IL1RAPL2: variants seen among roughly 807,000 people sequenced by gnomAD.
IL1RAPL2 encodes interleukin 1 receptor accessory protein like 2, also known as X-linked interleukin-1 receptor accessory protein-like 2.
A neutral mutation model predicts 44.1 loss-of-function variants in IL1RAPL2; 3 were observed. The ratio of observed to expected loss-of-function variants is 0.07; its 90% CI spans 0.03 to 0.18. IL1RAPL2 has a LOEUF of 0.18. IL1RAPL2 is among the 10% of genes least tolerant of loss of function. The pLI, the probability that IL1RAPL2 is intolerant of heterozygous loss-of-function variation, is 1.00. For missense variants in IL1RAPL2, 391 were observed against 496.4 expected, an observed-to-expected ratio of 0.79 and a Z score of 2.02; for synonymous variants, 181 against 178.8, an observed-to-expected ratio of 1.01 and a Z score of -0.10.
intron 2 of IL1RAPL2, among the ~76,000 whole-genome samples, chrX:105,092,987 A>G (rs1367423171): frequency 1.8e-5 from 2 of 111,576 alleles, no homozygotes; most frequent in East Asian, 5.6e-4. Flanking sequence ...CTACTTTCTC[A>G]TCTACCTTTT....
At chrX:105,356,556 GC>G (rs1455148549) in intron 5 of IL1RAPL2, among the ~76,000 whole-genome samples, 1 of 111,583 alleles carries the variant, frequency 9.0e-6, no homozygotes. Flanking sequence ...TAAAAGGTGA[GC>G]AAAACATCAG....
intron 2 of IL1RAPL2, among the ~76,000 whole-genome samples, chrX:104,703,037 A>T (rs958069369): frequency 1.8e-5 from 2 of 111,219 alleles, no homozygotes; most frequent in South Asian, 7.6e-4. Flanking sequence ...GAAGCTTTGG[A>T]GGGAAATGTC....
In IL1RAPL2 at chrX:105,564,051, G is replaced by A. The variant is rs777567713; in HGVS notation, c.772+79664G>A. ...GATCAAGGCACCAACAGATTGTTTG[G>A]GTAGGGGTTGTTCTCTGCTTCATAG... On this transcript the variant is annotated intron_variant, in intron 6 of 10. Transcript: ENST00000372582. Among the ~76,000 whole-genome samples the A allele has an allele frequency of 3.6e-5, 4 of 111,357 alleles. No homozygotes were observed. The South Asian group carries it at 1.5e-3, about 42-fold the overall frequency.
At chrX:104,692,745 C>T (rs779265991) in intron 2 of IL1RAPL2, among the ~76,000 whole-genome samples, 3 of 111,761 alleles carry the variant, frequency 2.7e-5, no homozygotes, top group Admixed American at 1.9e-4. Flanking sequence ...AATCTATCAT[C>T]GTTGGACACT....
intron 7 of IL1RAPL2, among the ~76,000 whole-genome samples, chrX:105,727,659 G>A (rs2038363170): frequency 1.8e-5 from 2 of 111,433 alleles, no homozygotes; most frequent in Admixed American, 1.9e-4. Flanking sequence ...TGCTAATAAA[G>A]TATTTACTTG....
chrX:104,990,356 C>T (rs769724905), intron 2 of IL1RAPL2, among the ~76,000 whole-genome samples: 3 of 111,715 alleles, frequency 2.7e-5, no homozygotes, highest in Admixed American at 1.9e-4. Context: ...AATAAAACTC[C>T]GTAACATTTT....
At chrX:104,910,106 G>T (rs1261047789) in intron 2 of IL1RAPL2, among the ~76,000 whole-genome samples, 2 of 112,130 alleles carry the variant, frequency 1.8e-5, no homozygotes, top group Non-Finnish European at 3.8e-5. Context: ...GTTGGGAGTG[G>T]CCTGATTTTC....
intron 7 of IL1RAPL2, among the ~76,000 whole-genome samples, chrX:105,738,031 G>A (rs1382876707): frequency 4.5e-5 from 5 of 111,681 alleles, no homozygotes; most frequent in Admixed American, 1.9e-4. Flanking sequence ...TGAGATTTTA[G>A]TATGAGAGAC....
At chrX:105,211,492 T>G (rs190411063) in intron 3 of IL1RAPL2, among the ~76,000 whole-genome samples, 1 of 111,245 alleles carries the variant, frequency 9.0e-6, no homozygotes, top group Non-Finnish European at 1.9e-5. Flanking sequence ...TGTCATGATA[T>G]AACTCACTCA....
At chrX:104,724,017 A>G (rs1161844449) in intron 2 of IL1RAPL2, among the ~76,000 whole-genome samples, 1 of 111,997 alleles carries the variant, frequency 8.9e-6, no homozygotes, top group Non-Finnish European at 1.9e-5. Context: ...TAGACATAGC[A>G]GAATAGAGAT....
At chrX:105,755,622 TA>T (rs1270895526) in intron 10 of IL1RAPL2, among the ~76,000 whole-genome samples, 2 of 111,905 alleles carry the variant, frequency 1.8e-5, no homozygotes, top group Admixed American at 9.5e-5. Context: ...TATGATCTTT[TA>T]AAAAAATCTG....
chrX:104,983,444 CATA>C (rs1470546474), intron 2 of IL1RAPL2, among the ~76,000 whole-genome samples: 3 of 76,044 alleles, frequency 3.9e-5, no homozygotes, highest in African/African-American at 1.8e-4. Context: ...ATAATAGATA[CATA>C]ATATTATATA....
At chrX:104,575,703 C>T (rs1928231945) in intron 1 of IL1RAPL2, among the ~76,000 whole-genome samples, 1 of 111,691 alleles carries the variant, frequency 9.0e-6, no homozygotes, top group Non-Finnish European at 1.9e-5. Flanking sequence ...AATGGTCTTG[C>T]CAGATCCAAA....
intron 2 of IL1RAPL2, among the ~76,000 whole-genome samples, chrX:104,758,118 G>A (rs1932371422): frequency 9.0e-6 from 1 of 111,537 alleles, no homozygotes; most frequent in Admixed American, 9.5e-5. Flanking sequence ...GGGACCCTTG[G>A]GGCTGAGTCA....
At chrX:104,770,999 A>G (rs1423120781) in intron 2 of IL1RAPL2, among the ~76,000 whole-genome samples, 1 of 111,802 alleles carries the variant, frequency 8.9e-6, no homozygotes, top group African/African-American at 3.2e-5. Flanking sequence ...AAGATGGTCT[A>G]TTTCCCATAA....
intron 2 of IL1RAPL2, among the ~76,000 whole-genome samples, chrX:104,978,508 C>T (rs892737302): frequency 8.9e-6 from 1 of 112,109 alleles, no homozygotes; most frequent in Non-Finnish European, 1.9e-5. Flanking sequence ...TAAGAATATT[C>T]TCATTGATGT....
chrX:105,295,707 A>G (rs1316722405), intron 5 of IL1RAPL2, among the ~76,000 whole-genome samples: 5 of 112,366 alleles, frequency 4.4e-5, no homozygotes, highest in Non-Finnish European at 9.4e-5. Flanking sequence ...CTGTGCATAC[A>G]TGCACATTGG....
intron 2 of IL1RAPL2, among the ~76,000 whole-genome samples, chrX:104,913,761 A>G (rs750734735): frequency 8.9e-6 from 1 of 112,276 alleles, no homozygotes; most frequent in African/African-American, 3.2e-5. Flanking sequence ...CCTTTATATC[A>G]GCTGCATAGT....
chrX:105,670,129 AT>A (rs2037807564), intron 6 of IL1RAPL2, among the ~76,000 whole-genome samples: 1 of 49,401 alleles, frequency 2.0e-5, no homozygotes, highest in African/African-American at 6.9e-5. Context: ...ATATATATAT[AT>A]ATATATATAT....
Sources: allele counts gnomAD v4.1 joint callset (sites outside exome capture counted in the v4.1 genomes callset), GRCh38; gene constraint gnomAD v4.1.1; transcripts MANE v1.5; gene names NCBI Gene and HGNC (gene_info 2026-07-23, HGNC 2026-07-21).